Variants in PPP3CC observed in about 807,000 individuals in gnomAD.
PPP3CC encodes serine/threonine-protein phosphatase 2B catalytic subunit gamma isoform.
Under a neutral mutation model 60.3 loss-of-function variants are expected in PPP3CC, and 35 were observed. The observed-to-expected ratio is 0.58, with a 90% CI of 0.44 to 0.77. PPP3CC has a LOEUF of 0.77. Among genes scored for constraint, PPP3CC ranks in the 30% least tolerant of loss-of-function variants. PPP3CC has a pLI of 0.00. For synonymous variants in PPP3CC, 206 were observed against 224.3 expected, an observed-to-expected ratio of 0.92 and a Z score of 0.73; for missense variants, 570 against 628.9, an observed-to-expected ratio of 0.91 and a Z score of 1.00.
At chr8:22,522,962 T>A in intron 8 of PPP3CC, 1 of 489,986 alleles carries the variant, frequency 2.0e-6, no homozygotes, top group South Asian at 3.0e-5. Flanking sequence ...TTTGTGAGTA[T>A]AAATAATGAT....
intron 3 of PPP3CC, among the ~76,000 whole-genome samples, chr8:22,484,979 CT>C (rs946248395): frequency 6.6e-6 from 1 of 151,808 alleles, no homozygotes; most frequent in Non-Finnish European, 1.5e-5. Flanking sequence ...GTCCTGAATC[CT>C]TTTTTTTAGC....
chr8:22,537,991 G>A (rs1004347740), intron 12 of PPP3CC, among the ~76,000 whole-genome samples: 7 of 152,210 alleles, frequency 4.6e-5, no homozygotes, highest in Non-Finnish European at 1.0e-4. Flanking sequence ...GGTGATGGTT[G>A]CACAGCTCTA....
At chr8:22,513,224 C>T (rs1839140733) in intron 5 of PPP3CC, 69 bp from the exon 6 acceptor site, 7 of 1,489,460 alleles carry the variant, frequency 4.7e-6, no homozygotes, top group Non-Finnish European at 6.3e-6. Flanking sequence ...TTTTCTTTGA[C>T]ACATACTAGT....
chr8:22,490,957 G>A (rs1021834123), intron 3 of PPP3CC, among the ~76,000 whole-genome samples: 1 of 151,998 alleles, frequency 6.6e-6, no homozygotes, highest in African/African-American at 2.4e-5. Flanking sequence ...ATAATCCTTT[G>A]GGTATATATC....
chr8:22,512,671 T>C (rs902300553), intron 5 of PPP3CC, among the ~76,000 whole-genome samples: 1 of 152,214 alleles, frequency 6.6e-6, no homozygotes, highest in Non-Finnish European at 1.5e-5. Flanking sequence ...TCTAAAATAG[T>C]ATATCTCTAT....
At chr8:22,477,071 G>T (rs1041266997) in intron 3 of PPP3CC, among the ~76,000 whole-genome samples, 1 of 152,110 alleles carries the variant, frequency 6.6e-6, no homozygotes, top group Admixed American at 6.6e-5. Flanking sequence ...AATGTCCAAG[G>T]TCTCTAAATA....
At chr8:22,533,282 G>T (rs1839766764) in intron 12 of PPP3CC, among the ~76,000 whole-genome samples, 1 of 152,158 alleles carries the variant, frequency 6.6e-6, no homozygotes, top group African/African-American at 2.4e-5. Flanking sequence ...GAGTCCTTAA[G>T]TAGGACACAA....
intron 8 of PPP3CC, among the ~76,000 whole-genome samples, chr8:22,525,603 G>A (rs1395068789): frequency 7.0e-6 from 1 of 143,652 alleles, no homozygotes; most frequent in Non-Finnish European, 1.5e-5. Context: ...TGTCACTTAG[G>A]TTGGAGCACA....
intron 1 of PPP3CC, among the ~76,000 whole-genome samples, chr8:22,450,672 A>G (rs755105957): frequency 2.1e-4 from 32 of 152,176 alleles, no homozygotes; most frequent in Non-Finnish European, 4.1e-4. Context: ...AAAATCCTTC[A>G]TGAGCACTTC....
intron 4 of PPP3CC, among the ~76,000 whole-genome samples, chr8:22,498,626 G>T (rs28613421): frequency 0.026 from 3,895 of 152,050 alleles, 162 homozygotes; most frequent in African/African-American, 0.088. Context: ...ATACATTTCT[G>T]TTTCACCTAA....
chr8:22,469,227 A>C (rs1477156907), intron 1 of PPP3CC, among the ~76,000 whole-genome samples: 5 of 152,204 alleles, frequency 3.3e-5, no homozygotes, highest in African/African-American at 1.2e-4. Flanking sequence ...TAAGTTAAAT[A>C]AGCTAGGCAC....
intron 1 of PPP3CC, among the ~76,000 whole-genome samples, chr8:22,462,906 A>G (rs1381781113): frequency 6.6e-6 from 1 of 151,290 alleles, no homozygotes; most frequent in Admixed American, 6.6e-5. Context: ...ACTGAAACTC[A>G]GACAGTTATT....
chr8:22,448,222 G>A (rs1222458340), intron 1 of PPP3CC, among the ~76,000 whole-genome samples: 7 of 152,098 alleles, frequency 4.6e-5, no homozygotes, highest in Admixed American at 4.6e-4. Flanking sequence ...AAAAAGGGCA[G>A]GAAGACTGTT....
chr8:22,490,922 A>C (rs539291523), intron 3 of PPP3CC, among the ~76,000 whole-genome samples: 1 of 152,154 alleles, frequency 6.6e-6, no homozygotes, highest in South Asian at 2.1e-4. Context: ...ATATGTGTGC[A>C]TGTGTCTTTA....
chr8:22,442,863 G>GT (rs912992242), intron 1 of PPP3CC, among the ~76,000 whole-genome samples: 2 of 152,130 alleles, frequency 1.3e-5, no homozygotes, highest in African/African-American at 4.8e-5. Context: ...GTTGTTAGCA[G>GT]TTTCGTCCTG....
intron 3 of PPP3CC, among the ~76,000 whole-genome samples, chr8:22,496,598 A>G (rs1010068472): frequency 7.1e-6 from 1 of 140,172 alleles, no homozygotes; most frequent in Non-Finnish European, 1.5e-5. Context: ...CCCAGGTTCC[A>G]GTGATTCTTT....
At chr8:22,469,674 T>C (rs1837655737) in intron 1 of PPP3CC, among the ~76,000 whole-genome samples, 1 of 152,108 alleles carries the variant, frequency 6.6e-6, no homozygotes, top group Non-Finnish European at 1.5e-5. Context: ...TTCAAAAACC[T>C]GAGCTAAGCT....
intron 3 of PPP3CC, among the ~76,000 whole-genome samples, chr8:22,486,331 G>A (rs1178873576): frequency 6.6e-6 from 1 of 152,126 alleles, no homozygotes; most frequent in African/African-American, 2.4e-5. Context: ...CCCAGGGAAT[G>A]AATTCTGGGT....
chr8:22,470,227 T>C (rs1345045825), intron 1 of PPP3CC, among the ~76,000 whole-genome samples: 1 of 151,996 alleles, frequency 6.6e-6, no homozygotes, highest in African/African-American at 2.4e-5. Context: ...GCTCAAGCGT[T>C]CCTCCTGCCA....
Sources: gnomAD v4.1 joint callset for allele counts (sites outside exome capture counted in the v4.1 genomes callset) on GRCh38, gnomAD v4.1.1 for gene constraint, MANE v1.5 for transcripts, NCBI Gene and HGNC (gene_info 2026-07-23, HGNC 2026-07-21) for gene names.